Variants in SEMA5A observed in about 807,000 individuals in gnomAD.
SEMA5A encodes semaphorin-5A.
In SEMA5A, 55 loss-of-function variants were observed where a neutral mutation model predicts 135.5. That is an observed-to-expected ratio of 0.41 (90% CI 0.33 to 0.51). SEMA5A has a LOEUF of 0.51. Among genes scored for constraint, SEMA5A ranks in the 20% least tolerant of loss-of-function variants. The pLI is 0.37. For synonymous variants in SEMA5A, 580 were observed against 546.5 expected, an observed-to-expected ratio of 1.06 and a Z score of -0.85; for missense variants, 1,290 against 1,419.9, an observed-to-expected ratio of 0.91 and a Z score of 1.47.
chr5:9,527,175 G>A (rs11741831), intron 1 of SEMA5A, among the ~76,000 whole-genome samples: 9,381 of 152,134 alleles, frequency 0.062, 357 homozygotes, highest in Admixed American at 0.096. Context: ...GGTCCCGAGT[G>A]TGCTGAGGCC....
chr5:9,416,252 C>T lies in SEMA5A; in HGVS notation c.-78+21504G>A, dbSNP rs71597586. 9.2e-3 allele frequency among the ~76,000 whole-genome samples: 1,402 copies of T among 152,194 alleles called. 16 individuals carry two copies. Among genetic ancestry groups the T allele is most frequent in the Non-Finnish European group, 0.016 (1,104 of 68,014 alleles). ...CCTTTTACCCTAAAACTCATTAGTA[C>T]ATAAATGAGGAGAAAAAGTTGAGAA... On this transcript the variant is annotated intron_variant, in intron 2 of 22. Transcript: ENST00000382496.
At chr5:9,361,392 A>G (rs571818222) in intron 3 of SEMA5A, among the ~76,000 whole-genome samples, 49 of 152,156 alleles carry the variant, frequency 3.2e-4, no homozygotes, top group Non-Finnish European at 6.9e-4. Flanking sequence ...AGACAAAGAC[A>G]TGGTTCTGTT....
intron 10 of SEMA5A, among the ~76,000 whole-genome samples, chr5:9,194,620 A>G (rs1358811253): frequency 3.3e-5 from 5 of 152,256 alleles, no homozygotes; most frequent in Admixed American, 2.6e-4. Context: ...GTAAACATAA[A>G]GAAAACACTT....
Position 9,425,375 on chromosome 5 carries a change from T to TCACA in SEMA5A, c.-78+12377_-78+12380dup, listed in dbSNP as rs376493158. ...ACCGAGGCTCACACACTACATGTGT[T>TCACA]CACACACACACACACAAATACCTGG... On this transcript the variant is annotated intron_variant, in intron 2 of 22. Coordinates refer to ENST00000382496, the MANE Select transcript of SEMA5A (RefSeq NM_003966.3). Among the ~76,000 whole-genome samples the TCACA allele has an allele frequency of 2.6e-5, 4 of 151,860 alleles. No individual in the cohort carries two copies. In the East Asian group the frequency reaches 7.7e-4, roughly 29 times the overall value.
intron 4 of SEMA5A, among the ~76,000 whole-genome samples, chr5:9,329,939 G>A (rs1478873827): frequency 6.6e-6 from 1 of 152,030 alleles, no homozygotes; most frequent in African/African-American, 2.4e-5. Flanking sequence ...GTAAATAGTC[G>A]TTATGCCATA....
At chr5:9,073,380 A>C (rs768155825) in intron 16 of SEMA5A, among the ~76,000 whole-genome samples, 8 of 152,210 alleles carry the variant, frequency 5.3e-5, no homozygotes, top group Non-Finnish European at 8.8e-5. Flanking sequence ...CAATAGATGC[A>C]AAAATTATTG....
chr5:9,356,711 A>G (rs983094642), intron 3 of SEMA5A, among the ~76,000 whole-genome samples: 2 of 152,206 alleles, frequency 1.3e-5, no homozygotes, highest in African/African-American at 4.8e-5. Flanking sequence ...GGTTCAAAGA[A>G]ATTCACTGTG....
intron 5 of SEMA5A, among the ~76,000 whole-genome samples, chr5:9,255,929 T>C (rs973775340): frequency 1.3e-5 from 2 of 151,980 alleles, no homozygotes; most frequent in Admixed American, 6.5e-5. Context: ...GTGTTGCCCA[T>C]ACACTACCCA....
chr5:9,527,865 C>T (rs982299030), intron 1 of SEMA5A, among the ~76,000 whole-genome samples: 1 of 152,152 alleles, frequency 6.6e-6, no homozygotes, highest in Non-Finnish European at 1.5e-5. Flanking sequence ...ATCTGCTCAT[C>T]TAACCACTAC....
chr5:9,311,585 G>A lies in SEMA5A; in HGVS notation c.270+6787C>T, dbSNP rs1474843238. Among the ~76,000 whole-genome samples, 73 of 125,328 alleles carry A rather than the reference G, an allele frequency of 5.8e-4. 1 individual carries two copies. The highest frequency in any genetic ancestry group is 4.9e-5 in the Non-Finnish European group (3 of 61,640). 82.2% of individuals were successfully genotyped at this position (125,328 alleles called of 152,430 possible). A position where few individuals can be genotyped will look rare whatever the true frequency, so the allele number is the denominator to read the frequency against. ...AGGAAGGGGAACATCACACTCCGGG[G>A]ACTGTTGTGGGGTCGGGGGAGGGGG... On this transcript the variant is annotated intron_variant, in intron 5 of 22. Transcript: ENST00000382496.
intron 15 of SEMA5A, among the ~76,000 whole-genome samples, chr5:9,109,287 G>A (rs1265732963): frequency 6.6e-6 from 1 of 151,916 alleles, no homozygotes; most frequent in African/African-American, 2.4e-5. Context: ...TGATCCGCCC[G>A]CCTCGGCCTC....
At chr5:9,331,720 C>T (rs1753138233) in intron 4 of SEMA5A, among the ~76,000 whole-genome samples, 1 of 152,188 alleles carries the variant, frequency 6.6e-6, no homozygotes, top group Non-Finnish European at 1.5e-5. Flanking sequence ...ATGCTTGATT[C>T]CTAAATCTCT....
At chr5:9,156,965 C>A (rs1444820270) in intron 11 of SEMA5A, among the ~76,000 whole-genome samples, 1 of 152,204 alleles carries the variant, frequency 6.6e-6, no homozygotes, top group Non-Finnish European at 1.5e-5. Flanking sequence ...TAAACTTTTA[C>A]TGCATATTTC....
chr5:9,110,853 C>A (rs1165433250), intron 15 of SEMA5A, among the ~76,000 whole-genome samples: 1 of 152,068 alleles, frequency 6.6e-6, no homozygotes, highest in East Asian at 1.9e-4. Flanking sequence ...GGGTCCTATT[C>A]TCAGAGCTCA....
At chr5:9,470,422 A>G (rs1326447854) in intron 1 of SEMA5A, among the ~76,000 whole-genome samples, 3 of 152,244 alleles carry the variant, frequency 2.0e-5, no homozygotes, top group Non-Finnish European at 4.4e-5. Flanking sequence ...CCATATGTAA[A>G]ATAAAGATCA....
intron 16 of SEMA5A, among the ~76,000 whole-genome samples, chr5:9,078,922 C>G (rs894649213): frequency 2.6e-5 from 4 of 151,804 alleles, no homozygotes; most frequent in African/African-American, 9.7e-5. Context: ...GATGATTAGT[C>G]TATGATAAGT....
At position 9,384,633 on chromosome 5, in the gene SEMA5A, TAGATAGATAGATAG is replaced by T. The variant is rs1561207988; in HGVS notation, c.-77-4624_-77-4611del. ...ATAGATAGATACATAGATAGATAGA[TAGATAGATAGATAG>T]ATAGATAGATAGATATAGATAGATA... On this transcript the variant is annotated intron_variant, in intron 2 of 22. Transcript: ENST00000382496. Among the ~76,000 whole-genome samples the T allele has an allele frequency of 5.0e-3, 591 of 118,308 alleles. 20 individuals carry two copies. The highest frequency in any genetic ancestry group is 9.7e-3 in the African/African-American group (283 of 29,234). The allele number at this position is 118,308 out of a possible 152,430, so 77.6% of individuals were successfully genotyped here.
intron 6 of SEMA5A, among the ~76,000 whole-genome samples, chr5:9,227,624 C>T (rs867525521): frequency 2.7e-5 from 4 of 150,720 alleles, no homozygotes; most frequent in African/African-American, 4.9e-5. Flanking sequence ...AAATTCGGCT[C>T]ACTGCAAGCT....
chr5:9,272,659 G>A (rs1023318487), intron 5 of SEMA5A, among the ~76,000 whole-genome samples: 2 of 152,158 alleles, frequency 1.3e-5, no homozygotes, highest in Admixed American at 6.5e-5. Flanking sequence ...AGCTTCCAGA[G>A]GAAGGAACAG....
Sources: gnomAD v4.1 joint callset for allele counts (sites outside exome capture counted in the v4.1 genomes callset) on GRCh38, gnomAD v4.1.1 for gene constraint, MANE v1.5 for transcripts, NCBI Gene and HGNC (gene_info 2026-07-23, HGNC 2026-07-21) for gene names.